The following RAI1 variants were observed in gnomAD, a reference collection of about 807,000 sequenced individuals.
RAI1 encodes the protein retinoic acid-induced protein 1.
A neutral mutation model predicts 123.8 loss-of-function variants in RAI1; 9 were observed. That is an observed-to-expected ratio of 0.07 (90% CI 0.04 to 0.13). The LOEUF (loss-of-function observed/expected upper bound fraction) is 0.13, where lower values mean the gene tolerates loss of function less well. Among genes scored for constraint, RAI1 ranks in the 10% least tolerant of loss-of-function variants. The pLI, the probability that RAI1 is intolerant of heterozygous loss-of-function variation, is 1.00. For synonymous variants in RAI1, 1,231 were observed against 1,127.3 expected (o/e 1.09, Z -1.84); for missense variants, 2,256 against 2,545.8 (o/e 0.89, Z 2.45).
intron 2 of RAI1, among the ~76,000 whole-genome samples, chr17:17,749,174 C>G (rs2030052573): frequency 6.6e-6 from 1 of 152,230 alleles, no homozygotes; most frequent in African/African-American, 2.4e-5. Context: ...AGCACCAGCT[C>G]GCCTGAGCTG....
Position 17,809,623 on chromosome 17 carries a change from T to A in RAI1, c.5709+184T>A, listed in dbSNP as rs1262911533. ...CGCCGCCGTCCAGCTCAGGTCCCTGTCCACTTGCGCGCCGCCGCCGCCGAA... is the reference window on the plus strand; with the variant it reads ...CGCCGCCGTCCAGCTCAGGTCCCTGACCACTTGCGCGCCGCCGCCGCCGAA... On this transcript the variant is annotated intron_variant, in intron 5 of 5. Coordinates refer to ENST00000353383, the MANE Select transcript of RAI1 (RefSeq NM_030665.4). This position sits in a 1 kb window ranked among gnomAD's most constrained non-coding sequence, Gnocchi z 4.9. Among the ~76,000 whole-genome samples the A allele has an allele frequency of 2.0e-5, 3 of 151,836 alleles. No individual in the cohort carries two copies. Among genetic ancestry groups the A allele is most frequent in the African/African-American group, 7.3e-5 (3 of 41,372 alleles).
intron 2 of RAI1, among the ~76,000 whole-genome samples, chr17:17,787,473 T>C (rs746211871): frequency 6.6e-6 from 1 of 152,250 alleles, no homozygotes; most frequent in South Asian, 2.1e-4. Flanking sequence ...AAAAAAATTA[T>C]TGTCCACAAG....
chr17:17,761,019 T>C (rs1473056357), intron 2 of RAI1, among the ~76,000 whole-genome samples: 2 of 152,222 alleles, frequency 1.3e-5, no homozygotes, highest in Non-Finnish European at 2.9e-5. Flanking sequence ...GAAAGTGTTT[T>C]GGAGTCAAAC....
At chr17:17,791,349 G>A (rs569765861) in intron 2 of RAI1, among the ~76,000 whole-genome samples, 1 of 152,270 alleles carries the variant, frequency 6.6e-6, no homozygotes, top group African/African-American at 2.4e-5. Flanking sequence ...CTTGTGGTGG[G>A]GTCCGGGCCA....
At chr17:17,686,608 T>TGTGCGTGCGC (rs1491248703) in intron 1 of RAI1, among the ~76,000 whole-genome samples, 1 of 137,764 alleles carries the variant, frequency 7.3e-6, no homozygotes, top group Admixed American at 7.4e-5. Flanking sequence ...TGTGTGTGTG[T>TGTGCGTGCGC]GCACGCGCGC....
In RAI1 at chr17:17,797,302, C is replaced by T. The variant is rs753243669; in HGVS notation, c.4354C>T (p.Arg1452Trp). 26 of 1,612,524 alleles carry T rather than the reference C, an allele frequency of 1.6e-5. No homozygotes were observed. The highest frequency in any genetic ancestry group is 1.3e-4 in the East Asian group (6 of 44,898). The change falls in exon 3 of 6, where the codon CGG becomes TGG. Residue 1452 changes from arginine (R) to tryptophan (W), a missense_variant. Transcript: ENST00000353383. ...GCCTAAGAAGAGGAGCCGGAAAGGC[C>T]GGGCAGGGGCCCATGGACTCTCCAA... ...LAPKKRSRKG[R>W]AGAHGLSKGP...
At chr17:17,753,098 GTGTC>G (rs2030281084) in intron 2 of RAI1, among the ~76,000 whole-genome samples, 1 of 152,248 alleles carries the variant, frequency 6.6e-6, no homozygotes, top group Non-Finnish European at 1.5e-5. Flanking sequence ...CACTGGGTCA[GTGTC>G]TGGCCTGGAC....
At chr17:17,694,137 G>C (rs1431997708) in intron 1 of RAI1, among the ~76,000 whole-genome samples, 2 of 152,198 alleles carry the variant, frequency 1.3e-5, no homozygotes, top group African/African-American at 2.4e-5. Flanking sequence ...AGCCTTGCCG[G>C]GTCTCCTGGG....
rs545988772 is a variant in RAI1, at chr17:17,723,667, C to T, written c.-148-361C>T. Among the ~76,000 whole-genome samples the T allele has an allele frequency of 2.7e-5, 4 of 147,296 alleles. No homozygotes were observed. The South Asian group carries it at 8.7e-4, about 32-fold the overall frequency. Reference sequence around the variant, plus strand: ...GCTCCCTTCCCGAGCTCATCTCTCGCCCCCCCGCCCGCCTCCTCCTTCCCT... The same window carrying T: ...GCTCCCTTCCCGAGCTCATCTCTCGTCCCCCCGCCCGCCTCCTCCTTCCCT... On this transcript the variant is annotated intron_variant, in intron 1 of 5. Transcript: ENST00000353383.
chr17:17,804,189 G>T, intron 4 of RAI1: 1 of 380,522 alleles, frequency 2.6e-6, no homozygotes, highest in East Asian at 5.9e-5. Context: ...GGTATTGGAG[G>T]TTGGGCCTTT....
intron 2 of RAI1, among the ~76,000 whole-genome samples, chr17:17,774,557 AC>A (rs2031271359): frequency 6.6e-6 from 1 of 152,226 alleles, no homozygotes; most frequent in Admixed American, 6.5e-5. Context: ...CTGTGCCAGG[AC>A]AGCGTGTCCG....
At chr17:17,765,583 T>C (rs979103216) in intron 2 of RAI1, among the ~76,000 whole-genome samples, 1 of 152,340 alleles carries the variant, frequency 6.6e-6, no homozygotes, top group East Asian at 1.9e-4. Flanking sequence ...CAGGCAAGAA[T>C]AGTTGTATAA....
At chr17:17,790,953 C>T (rs994248106) in intron 2 of RAI1, among the ~76,000 whole-genome samples, 8 of 152,362 alleles carry the variant, frequency 5.3e-5, no homozygotes, top group South Asian at 2.1e-4. Flanking sequence ...TGGGTTGGCG[C>T]GTCGCAGCAG....
intron 1 of RAI1, among the ~76,000 whole-genome samples, chr17:17,682,341 A>C (rs1914457399): frequency 6.7e-6 from 1 of 149,734 alleles, no homozygotes. Context: ...CGGTGTCCCT[A>C]CCCGGGCAGC....
chr17:17,729,037 C>A (rs111313095), intron 2 of RAI1, among the ~76,000 whole-genome samples: 3,929 of 152,282 alleles, frequency 0.026, 87 homozygotes, highest in Non-Finnish European at 0.041. Flanking sequence ...GGGTGACTCA[C>A]TAGCCTGGAG....
rs868739125 is a variant in RAI1 at position 17,800,202 on chromosome 17, C to G, written c.5565+1689C>G. 5.1e-3 allele frequency among the ~76,000 whole-genome samples: 678 copies of G among 132,676 alleles called. 12 individuals are homozygous for G. Among genetic ancestry groups the G allele is most frequent in the African/African-American group, 0.017 (572 of 33,906 alleles). 87.0% of individuals were successfully genotyped at this position (132,676 alleles called of 152,430 possible). A position where few individuals can be genotyped will look rare whatever the true frequency, so the allele number is the denominator to read the frequency against. On this transcript the variant is annotated intron_variant, in intron 3 of 5. Coordinates refer to ENST00000353383, the MANE Select transcript of RAI1 (RefSeq NM_030665.4). The surrounding 1 kb of genome is among the most constrained non-coding windows in gnomAD (Gnocchi z 4.7). ...TCTGTCTCTCTCTCTCTCTCTCTCT[C>G]TCTCTCTCTCTCTCTCTCTCTCTCT...
intron 2 of RAI1, among the ~76,000 whole-genome samples, chr17:17,751,783 C>T (rs562783136): frequency 4.0e-4 from 61 of 152,254 alleles, no homozygotes; most frequent in Non-Finnish European, 6.6e-4. Flanking sequence ...TGCCAGACCA[C>T]CTTATTTAAA....
chr17:17,695,272 G>T (rs1428609353), intron 1 of RAI1, among the ~76,000 whole-genome samples: 1 of 152,174 alleles, frequency 6.6e-6, no homozygotes, highest in African/African-American at 2.4e-5. Context: ...CACCTCACCC[G>T]GTCCAGGCCT....
intron 4 of RAI1, among the ~76,000 whole-genome samples, chr17:17,808,414 ATTATTTTATTTTATT>A (rs71155304): frequency 0.076 from 9,580 of 125,526 alleles, 467 homozygotes; most frequent in Non-Finnish European, 0.12. Flanking sequence ...ATTTTATTTT[ATTATTTTATTTTATT>A]TTATTTTATT....
Sources: gnomAD v4.1 joint callset for allele counts (sites outside exome capture counted in the v4.1 genomes callset) on GRCh38, gnomAD v4.1.1 for gene constraint, Gnocchi (gnomAD v3.1) non-coding constraint, MANE v1.5 for transcripts, NCBI Gene and HGNC (gene_info 2026-07-23, HGNC 2026-07-21) for gene names.